Variants in TENM1 observed in about 807,000 individuals in gnomAD.
TENM1 encodes the protein teneurin transmembrane protein 1.
A neutral mutation model predicts 174.8 loss-of-function variants in TENM1; 35 were observed. That is an observed-to-expected ratio of 0.20 (90% CI 0.15 to 0.27). TENM1 has a LOEUF of 0.27. TENM1 is among the 10% of genes least tolerant of loss of function. The pLI is 1.00. For synonymous variants in TENM1, 781 were observed against 798.7 expected (o/e 0.98, Z 0.37); for missense variants, 1,633 against 2,130.1 (o/e 0.77, Z 4.59).
In TENM1 at chrX:124,945,665, C is replaced by A. The variant is rs189832864; in HGVS notation, c.217+17872G>T. The stretch of plus-strand genomic sequence containing the variant: ...TATAAATATGTGGACATAAGAGTTG[C>A]CAGAATCTGAGACAGAAAAAGTCGG... On this transcript the variant is annotated intron_variant, in intron 1 of 31. Coordinates refer to ENST00000422452, the Ensembl canonical transcript of TENM1. Among the ~76,000 whole-genome samples the A allele has an allele frequency of 5.7e-3, 636 of 110,838 alleles. 2 individuals are homozygous for A. The highest frequency in any genetic ancestry group is 0.014 in the Middle Eastern group (3 of 214).
chrX:124,702,834 G>C (rs1285175576), intron 5 of TENM1, among the ~76,000 whole-genome samples: 2 of 111,393 alleles, frequency 1.8e-5, no homozygotes, highest in African/African-American at 6.5e-5. Flanking sequence ...CTTAAGGATT[G>C]TTGTGAGAAT....
the TENM1 span, among the ~76,000 whole-genome samples, chrX:125,048,766 A>G: frequency 1.8e-5 from 2 of 111,124 alleles, no homozygotes; most frequent in Admixed American, 9.6e-5. Flanking sequence ...TGTGCTTTGT[A>G]TGGTCTGCTA....
At chrX:124,423,282 G>A (rs914213527) in intron 23 of TENM1, among the ~76,000 whole-genome samples, 4 of 112,113 alleles carry the variant, frequency 3.6e-5, no homozygotes, top group African/African-American at 1.3e-4. Flanking sequence ...ATCCTGGGGT[G>A]TAGCACACTG....
chrX:124,852,398 A>C (rs1450458854), intron 3 of TENM1, among the ~76,000 whole-genome samples: 1 of 110,610 alleles, frequency 9.0e-6, no homozygotes, highest in Non-Finnish European at 1.9e-5. Context: ...GGTGAAGAAG[A>C]TGGAGAAAAA....
chrX:125,088,898 T>C, the TENM1 span, among the ~76,000 whole-genome samples: 12 of 111,259 alleles, frequency 1.1e-4, no homozygotes, highest in Admixed American at 2.9e-4. Context: ...ATAAAATATA[T>C]TGAGTCAAAT....
At chrX:124,628,738 A>C (rs1865454892) in intron 11 of TENM1, among the ~76,000 whole-genome samples, 1 of 112,080 alleles carries the variant, frequency 8.9e-6, no homozygotes, top group Non-Finnish European at 1.9e-5. Context: ...ATTAGACATT[A>C]CTTAGCTATG....
intron 3 of TENM1, among the ~76,000 whole-genome samples, chrX:124,778,221 C>T (rs1414357022): frequency 5.3e-5 from 6 of 112,582 alleles, no homozygotes; most frequent in South Asian, 3.7e-4. Context: ...ACTGGGAGGA[C>T]GAGGTGGAGC....
intron 11 of TENM1, among the ~76,000 whole-genome samples, chrX:124,585,462 G>T (rs1251517242): frequency 9.0e-6 from 1 of 111,431 alleles, no homozygotes; most frequent in Non-Finnish European, 1.9e-5. Flanking sequence ...AATGAAGGCA[G>T]AAATAAAGAT....
At chrX:125,098,132 T>C in the TENM1 span, among the ~76,000 whole-genome samples, 1 of 110,910 alleles carries the variant, frequency 9.0e-6, no homozygotes, top group East Asian at 2.9e-4. Flanking sequence ...GGCATGGTGG[T>C]GGGCGCCTGT....
At chrX:124,844,360 A>T (rs192645298) in intron 3 of TENM1, among the ~76,000 whole-genome samples, 395 of 111,850 alleles carry the variant, frequency 3.5e-3, no homozygotes, top group African/African-American at 0.012. Context: ...AATAGACCCA[A>T]GTCATTCTCA....
At chrX:125,043,118 T>C in the TENM1 span, among the ~76,000 whole-genome samples, 1 of 104,045 alleles carries the variant, frequency 9.6e-6, no homozygotes, top group Non-Finnish European at 2.0e-5. Context: ...GGACTTCATG[T>C]CCAAAACACC....
At chrX:124,770,284 C>T (rs2054623280) in intron 3 of TENM1, among the ~76,000 whole-genome samples, 1 of 111,750 alleles carries the variant, frequency 8.9e-6, no homozygotes, top group African/African-American at 3.3e-5. Context: ...CCCCCTGTAA[C>T]CATTTTTACT....
At chrX:124,637,708 T>C (rs1264940108) in intron 11 of TENM1, among the ~76,000 whole-genome samples, 1 of 111,800 alleles carries the variant, frequency 8.9e-6, no homozygotes, top group African/African-American at 3.3e-5. Context: ...TCAGTAAATA[T>C]TAAAGACTCT....
intron 23 of TENM1, among the ~76,000 whole-genome samples, chrX:124,426,229 C>T (rs2060715115): frequency 9.0e-6 from 1 of 111,621 alleles, no homozygotes; most frequent in African/African-American, 3.3e-5. Context: ...CCATTCCCCA[C>T]CCTACCACTC....
intron 11 of TENM1, among the ~76,000 whole-genome samples, chrX:124,618,261 G>T (rs1411515627): frequency 9.0e-6 from 1 of 111,444 alleles, no homozygotes; most frequent in Non-Finnish European, 1.9e-5. Flanking sequence ...TTATGTATAT[G>T]TACCTGTGTT....
At chrX:124,769,839 T>C (rs1477927970) in intron 3 of TENM1, among the ~76,000 whole-genome samples, 1 of 112,068 alleles carries the variant, frequency 8.9e-6, no homozygotes, top group East Asian at 2.8e-4. Flanking sequence ...AGAAGAACTC[T>C]AGAGTACCAA....
intron 18 of TENM1, among the ~76,000 whole-genome samples, chrX:124,512,140 T>C (rs750425406): frequency 9.0e-6 from 1 of 111,641 alleles, no homozygotes; most frequent in Non-Finnish European, 1.9e-5. Flanking sequence ...TGATAATGTA[T>C]GCAGACACAG....
chrX:124,887,509 A>T (rs368474807), intron 3 of TENM1, among the ~76,000 whole-genome samples: 3 of 111,552 alleles, frequency 2.7e-5, no homozygotes, highest in African/African-American at 9.8e-5. Flanking sequence ...TTTACTATTA[A>T]TTTTTAAATC....
intron 20 of TENM1, among the ~76,000 whole-genome samples, chrX:124,494,286 A>G (rs1476316066): frequency 9.0e-6 from 1 of 111,194 alleles, no homozygotes; most frequent in Non-Finnish European, 1.9e-5. Flanking sequence ...CATTGAGGAG[A>G]TGCCTGAAGA....
Sources: allele counts gnomAD v4.1 joint callset (sites outside exome capture counted in the v4.1 genomes callset), GRCh38; gene constraint gnomAD v4.1.1; transcripts MANE v1.5; gene names NCBI Gene and HGNC (gene_info 2026-07-23, HGNC 2026-07-21).